CR1: variants seen among roughly 807,000 people sequenced by gnomAD.
CR1 encodes the protein complement C3b/C4b receptor 1 (Knops blood group), also known as complement receptor type 1.
Under a neutral mutation model 187.3 loss-of-function variants are expected in CR1, and 116 were observed. The ratio of observed to expected loss-of-function variants is 0.62; its 90% CI spans 0.53 to 0.72. The LOEUF (loss-of-function observed/expected upper bound fraction) is 0.72. CR1 is among the 30% of genes least tolerant of loss of function. The pLI is 0.00. For missense variants in CR1, 1,731 were observed against 2,110.7 expected (o/e 0.82, Z 3.52); for synonymous variants, 576 against 747.1 (o/e 0.77, Z 3.73).
At chr1:207,620,717 C>T (rs942069302) in intron 43 of CR1, among the ~76,000 whole-genome samples, 1 of 152,146 alleles carries the variant, frequency 6.6e-6, no homozygotes, top group African/African-American at 2.4e-5. Context: ...GCTAATATGA[C>T]TCGCAGATAA....
intron 45 of CR1, among the ~76,000 whole-genome samples, chr1:207,629,689 C>T (rs1662585169): frequency 6.6e-6 from 1 of 152,204 alleles, no homozygotes; most frequent in Non-Finnish European, 1.5e-5. Context: ...CTAATACCAA[C>T]TCATACATAA....
At chr1:207,584,037 C>G (rs1661036537) in intron 32 of CR1, among the ~76,000 whole-genome samples, 1 of 152,072 alleles carries the variant, frequency 6.6e-6, no homozygotes. Context: ...CAATGAGTAT[C>G]TCAAAAAACC....
At chr1:207,590,928 T>C (rs1480023528) in intron 35 of CR1, among the ~76,000 whole-genome samples, 1 of 152,154 alleles carries the variant, frequency 6.6e-6, no homozygotes, top group South Asian at 2.1e-4. Flanking sequence ...ATGCACCCAA[T>C]ACAGGAGCAC....
At chr1:207,617,941 G>A in intron 41 of CR1, 130 bp from the exon 42 acceptor site, 1 of 918,068 alleles carries the variant, frequency 1.1e-6, no homozygotes, top group Non-Finnish European at 1.6e-6. Context: ...GGAGGGAGTG[G>A]CTTATGACCT....
At chr1:207,501,955 C>G (rs12089713) in intron 1 of CR1, among the ~76,000 whole-genome samples, 4,767 of 151,618 alleles carry the variant, frequency 0.031, 237 homozygotes, top group African/African-American at 0.11. Flanking sequence ...GTGCTGTTAT[C>G]TATCAAAATC....
At chr1:207,514,307 C>T (rs991424943) in intron 4 of CR1, among the ~76,000 whole-genome samples, 1 of 151,928 alleles carries the variant, frequency 6.6e-6, no homozygotes, top group African/African-American at 2.4e-5. Flanking sequence ...TTAAATTATA[C>T]AATTTAGTGG....
In CR1 at chr1:207,575,596, C is replaced by A. The variant is rs1237612769; in HGVS notation, c.4453C>A (p.His1485Asn). The A allele has an allele frequency of 6.2e-7, 1 of 1,611,834 alleles. No homozygotes were observed. Among genetic ancestry groups the A allele is most frequent in the South Asian group, 1.1e-5 (1 of 90,988 alleles). Residue 1485 changes from histidine (H) to asparagine (N), a missense_variant and splice_region_variant, in exon 28 of 47, where the codon CAC (histidine) becomes AAC (asparagine). Around this residue, in one of 5 missense-constraint regions of CR1, gnomAD observed 1,312 missense variants for 1,379.6 expected, o/e 0.95. Transcript: ENST00000367049. ...SRINYSCTTG[H>N]RLIGHSSAEC... is the part of the protein sequence containing the mutation. Reference sequence around the variant, plus strand: ...TGATTTTCCATTTTTTGCCTTTAGGCACCGACTCATTGGTCACTCATCTGC... The same window carrying A: ...TGATTTTCCATTTTTTGCCTTTAGGAACCGACTCATTGGTCACTCATCTGC...
At chr1:207,638,731 C>T (rs944198568) in intron 46 of CR1, among the ~76,000 whole-genome samples, 20 of 152,184 alleles carry the variant, frequency 1.3e-4, no homozygotes, top group Admixed American at 5.2e-4. Flanking sequence ...AATTGAATTT[C>T]GCCATTATAG....
chr1:207,627,874 A>G (rs978543516), intron 45 of CR1, among the ~76,000 whole-genome samples: 1 of 152,164 alleles, frequency 6.6e-6, no homozygotes, highest in African/African-American at 2.4e-5. Context: ...AATAGACTTC[A>G]ATCTTTTCTC....
chr1:207,622,904 A>C (rs1444019955), intron 44 of CR1, 89 bp from the exon 45 acceptor site: 2 of 869,918 alleles, frequency 2.3e-6, no homozygotes, highest in Non-Finnish European at 3.6e-6. Flanking sequence ...AAGCATTGGC[A>C]ATCTGTAGTG....
At chr1:207,519,239 G>A (rs1659896203) in intron 4 of CR1, among the ~76,000 whole-genome samples, 1 of 151,678 alleles carries the variant, frequency 6.6e-6, no homozygotes, top group African/African-American at 2.4e-5. Context: ...ATATAGTAAG[G>A]TTTTGTTGTT....
intron 1 of CR1, among the ~76,000 whole-genome samples, chr1:207,497,399 T>C (rs1986158): frequency 0.18 from 28,124 of 152,054 alleles, 3,730 homozygotes; most frequent in African/African-American, 0.37. Context: ...TCATTTGAAG[T>C]GACAGTCTTG....
At chr1:207,611,215 G>A (rs1160742517) in intron 37 of CR1, among the ~76,000 whole-genome samples, 1 of 152,162 alleles carries the variant, frequency 6.6e-6, no homozygotes, top group Non-Finnish European at 1.5e-5. Context: ...GTTCAGCCCT[G>A]TGCTGACTGA....
At chr1:207,497,635 T>C (rs1349050923) in intron 1 of CR1, among the ~76,000 whole-genome samples, 1 of 152,360 alleles carries the variant, frequency 6.6e-6, no homozygotes, top group South Asian at 2.1e-4. Flanking sequence ...ATCTTATTTT[T>C]AGGAGAGAAG....
chr1:207,576,408 A>T (rs1019897688), intron 28 of CR1, among the ~76,000 whole-genome samples: 3 of 152,202 alleles, frequency 2.0e-5, no homozygotes, highest in Non-Finnish European at 2.9e-5. Flanking sequence ...ATCAGTATCC[A>T]GTTCTTTTTA....
At chr1:207,525,737 G>A (rs773113175) in intron 5 of CR1, among the ~76,000 whole-genome samples, 1 of 151,988 alleles carries the variant, frequency 6.6e-6, no homozygotes, top group Non-Finnish European at 1.5e-5. Context: ...GAGGCTGGGG[G>A]CCAACAGAAA....
At position 207,496,159 on chromosome 1, in the gene CR1, A is replaced by G; in HGVS notation, c.-109A>G. 14 of 1,589,636 alleles carry G rather than the reference A, an allele frequency of 8.8e-6. No individual in the cohort carries two copies. The highest frequency in any genetic ancestry group is 1.2e-5 in the Non-Finnish European group (14 of 1,165,312). ...CCCGGAACCCCGCAGCCCTCCCCAC[A>G]CTCTGGGCGCGGAGCACAATGATTG... is the stretch of plus-strand genomic sequence containing the variant. On this transcript the variant is annotated 5_prime_UTR_variant, in exon 1 of 47. Coordinates refer to ENST00000367049, the MANE Select transcript of CR1 (RefSeq NM_000651.6).
intron 35 of CR1, chr1:207,606,482 A>G (rs1661755390): frequency 6.6e-6 from 1 of 152,174 alleles, no homozygotes; most frequent in Non-Finnish European, 1.5e-5. Flanking sequence ...TCAAGAGGAA[A>G]AGTTCTTAAC....
Position 207,575,597 on chromosome 1 carries a change from A to G in CR1, c.4454A>G (p.His1485Arg). ...GATTTTCCATTTTTTGCCTTTAGGC[A>G]CCGACTCATTGGTCACTCATCTGCT... ...SRINYSCTTGHRLIGHSSAEC... is the reference protein window; with the variant it reads ...SRINYSCTTGRRLIGHSSAEC... Residue 1485 changes from histidine to arginine, a missense_variant and splice_region_variant, in exon 28 of 47, where the codon CAC becomes CGC. By Grantham distance (29) the His-to-Arg change is conservative. Transcript: ENST00000367049. 2 of 1,611,840 alleles carry G rather than the reference A, an allele frequency of 1.2e-6. No homozygotes were observed. The highest frequency in any genetic ancestry group is 1.7e-6 in the Non-Finnish European group (2 of 1,179,694).
Sources: allele counts gnomAD v4.1 joint callset (sites outside exome capture counted in the v4.1 genomes callset), GRCh38; gene constraint gnomAD v4.1.1; regional missense constraint gnomAD v4.1.1; transcripts MANE v1.5; gene names NCBI Gene and HGNC (gene_info 2026-07-23, HGNC 2026-07-21).